ABRAXAS1: variants seen among roughly 807,000 people sequenced by gnomAD.
ABRAXAS1 encodes the protein BRCA1-A complex subunit Abraxas 1.
A neutral mutation model predicts 38.4 loss-of-function variants in ABRAXAS1; 26 were observed. The observed-to-expected ratio is 0.68, with a 90% CI of 0.50 to 0.94. The LOEUF (loss-of-function observed/expected upper bound fraction) is 0.94. ABRAXAS1 is among the 40% of genes least tolerant of loss of function. ABRAXAS1 has a pLI of 0.00. For missense variants in ABRAXAS1, 438 were observed against 481.9 expected, an observed-to-expected ratio of 0.91 and a Z score of 0.85; for synonymous variants, 144 against 165.5, an observed-to-expected ratio of 0.87 and a Z score of 1.00.
At chr4:83,468,530 T>C (rs1310759705) in intron 6 of ABRAXAS1, among the ~76,000 whole-genome samples, 1 of 152,186 alleles carries the variant, frequency 6.6e-6, no homozygotes, top group Non-Finnish European at 1.5e-5. Context: ...ATAAGCAGCC[T>C]ATAGTATGAG....
At chr4:83,477,580 A>T (rs1217721272) in intron 2 of ABRAXAS1, 8 of 488,674 alleles carry the variant, frequency 1.6e-5, no homozygotes, top group Non-Finnish European at 3.2e-5. Context: ...AACCCTTTGT[A>T]TATGACGCCT....
intron 8 of ABRAXAS1, among the ~76,000 whole-genome samples, chr4:83,463,286 A>G (rs1722214210): frequency 6.6e-6 from 1 of 152,048 alleles, no homozygotes; most frequent in Non-Finnish European, 1.5e-5. Flanking sequence ...AAAAAAAATT[A>G]GCCAGGCATG....
chr4:83,472,403 G>T, intron 3 of ABRAXAS1, 115 bp from the exon 4 acceptor site: 1 of 492,584 alleles, frequency 2.0e-6, no homozygotes, highest in Non-Finnish European at 3.5e-6. Flanking sequence ...ATACCTATTT[G>T]CCTGTCAGAT....
At chr4:83,463,865 C>A in intron 7 of ABRAXAS1, 1 of 242,054 alleles carries the variant, frequency 4.1e-6, no homozygotes, top group East Asian at 7.6e-5. Flanking sequence ...AGTTAGTTCG[C>A]TGAAAATATA....
At chr4:83,463,797 T>C (rs1722242422) in intron 7 of ABRAXAS1, 189 bp from the exon 8 acceptor site, 3 of 371,414 alleles carry the variant, frequency 8.1e-6, no homozygotes, top group Non-Finnish European at 9.5e-6. Context: ...ATAAGCCTTA[T>C]AGGTTGTAAA....
intron 4 of ABRAXAS1, among the ~76,000 whole-genome samples, chr4:83,471,832 T>G (rs549674178): frequency 2.0e-5 from 3 of 152,060 alleles, no homozygotes; most frequent in Non-Finnish European, 2.9e-5. Context: ...ATCACACCAC[T>G]GCACTCCAGC....
chr4:83,462,547 T>G lies in ABRAXAS1; in HGVS notation c.1152A>C (p.Lys384Asn), dbSNP rs763567031. ...TGSSNQDKAS[K>N]MSSPETDEEI... Reference sequence around the variant, plus strand: ...CTTCATCTGTTTCTGGGCTGCTCATTTTGGATGCTTTATCTTGGTTACTAC... The same window carrying G: ...CTTCATCTGTTTCTGGGCTGCTCATGTTGGATGCTTTATCTTGGTTACTAC... Residue 384 changes from lysine to asparagine, a missense_variant, in exon 9 of 9, where the codon AAA becomes AAC. Lys to Asn is a moderately conservative substitution (Grantham distance 94). This residue lies in a region of ABRAXAS1 where 184 missense variants were observed against 181.9 expected (regional missense o/e 1.01). Coordinates refer to ENST00000321945, the MANE Select transcript of ABRAXAS1 (RefSeq NM_139076.3). The G allele has an allele frequency of 5.0e-6, 8 of 1,614,074 alleles. No individual in the cohort carries two copies. Among genetic ancestry groups the G allele is most frequent in the Non-Finnish European group, 6.8e-6 (8 of 1,180,036 alleles).
At chr4:83,473,855 G>A (rs896474775) in intron 3 of ABRAXAS1, among the ~76,000 whole-genome samples, 3 of 151,538 alleles carry the variant, frequency 2.0e-5, no homozygotes, top group Non-Finnish European at 4.4e-5. Context: ...TTCAGAAGCC[G>A]GGCACAGTGG....
In ABRAXAS1 at chr4:83,473,947, C is replaced by A. The variant is rs1048892196; in HGVS notation, c.216-1659G>T. Among the ~76,000 whole-genome samples, 9 of 151,450 alleles carry A rather than the reference C, an allele frequency of 5.9e-5. No homozygotes were observed. In the South Asian group the frequency reaches 1.7e-3, roughly 28 times the overall value. On this transcript the variant is annotated intron_variant, in intron 3 of 8. Transcript: ENST00000321945. ...AGGAGATTGAAACCAGCCTGGCCAA[C>A]GTGGCAAAACCCCATCTCTACTAAA...
Position 83,462,317 on chromosome 4 carries a change from G to T in ABRAXAS1, c.*152C>A. ...TGAAAAAGTACTTTGTGAAGTAAAT[G>T]CACTAAGAGTTATCTGTGTATTACT... On this transcript the variant is annotated 3_prime_UTR_variant, in exon 9 of 9. Transcript: ENST00000321945. 1.5e-6 allele frequency: 1 copy of T among 646,284 alleles called. No homozygotes were observed. Among genetic ancestry groups the T allele is most frequent in the Non-Finnish European group, 2.6e-6 (1 of 380,052 alleles). The allele number at this position is 646,284 out of a possible 1,614,324, so 40.0% of individuals were successfully genotyped here.
intron 1 of ABRAXAS1, 113 bp downstream of exon 1, chr4:83,484,873 G>A: frequency 1.2e-6 from 1 of 837,834 alleles, no homozygotes; most frequent in Non-Finnish European, 1.8e-6. Context: ...CCGCAGGGAG[G>A]AGGCGCGGCG....
In ABRAXAS1 at chr4:83,462,846, G is replaced by A. The variant is rs150371881; in HGVS notation, c.853C>T (p.Arg285Trp). Residue 285 changes from arginine to tryptophan, a missense_variant, in exon 9 of 9, where the codon CGG (arginine) becomes TGG (tryptophan). Arg to Trp is a moderately radical substitution (Grantham distance 101). Coordinates refer to ENST00000321945, the MANE Select transcript of ABRAXAS1 (RefSeq NM_139076.3). ...QENIFLCQALRTFFPNSEFLH... is the reference protein window; with the variant it reads ...QENIFLCQALWTFFPNSEFLH... ...AATTCAGAATTTGGAAAAAAGGTCC[G>A]TAATGCCTGACAAAGAAAAATGTTC... 8.0e-5 allele frequency: 129 copies of A among 1,607,414 alleles called. No individual in the cohort carries two copies. Among genetic ancestry groups the A allele is most frequent in the Middle Eastern group, 6.6e-4 (4 of 6,022 alleles).
At chr4:83,484,504 G>A (rs1482753207) in intron 1 of ABRAXAS1, among the ~76,000 whole-genome samples, 1 of 152,218 alleles carries the variant, frequency 6.6e-6, no homozygotes, top group Non-Finnish European at 1.5e-5. Context: ...ATTTGCCACT[G>A]GACGCAACAT....
intron 3 of ABRAXAS1, among the ~76,000 whole-genome samples, chr4:83,473,046 AG>A (rs1030024482): frequency 2.6e-5 from 4 of 152,210 alleles, no homozygotes; most frequent in Middle Eastern, 3.4e-3. Context: ...TGGGAGGCTG[AG>A]GGGGGTGGAT....
In ABRAXAS1 at chr4:83,461,233, A is replaced by G; in HGVS notation, c.*1236T>C. The stretch of plus-strand genomic sequence containing the variant: ...GTTACCACTAATAAACTTATTTTAC[A>G]GTAAGTGGTTGTATGATGCCAATAC... On this transcript the variant is annotated 3_prime_UTR_variant, in exon 9 of 9. Coordinates refer to ENST00000321945, the MANE Select transcript of ABRAXAS1 (RefSeq NM_139076.3). 1.9e-6 allele frequency: 3 copies of G among 1,584,358 alleles called. No individual in the cohort carries two copies. The highest frequency in any genetic ancestry group is 2.6e-6 in the Non-Finnish European group (3 of 1,155,320).
intron 6 of ABRAXAS1, among the ~76,000 whole-genome samples, chr4:83,468,602 T>G (rs952533811): frequency 6.6e-6 from 1 of 152,188 alleles, no homozygotes; most frequent in African/African-American, 2.4e-5. Context: ...ATCCGAACCA[T>G]TGCCTTAGAA....
At position 83,463,419 on chromosome 4, in the gene ABRAXAS1, C is replaced by T. The variant is rs1045896572; in HGVS notation, c.796+75G>A. 17 of 1,075,602 alleles carry T rather than the reference C, an allele frequency of 1.6e-5. No homozygotes were observed. The East Asian group carries it at 2.6e-4, about 17-fold the overall frequency. The allele number at this position is 1,075,602 out of a possible 1,614,324, so 66.6% of individuals were successfully genotyped here. A position where few individuals can be genotyped will look rare whatever the true frequency, so the allele number is the denominator to read the frequency against. On this transcript the variant is annotated intron_variant, in intron 8 of 8. Transcript: ENST00000321945. ...TTGCACTCCAACCTAGGCGACAGAG[C>T]GAGACTCCGTCTCAAAAATAAATAA... is the stretch of plus-strand genomic sequence containing the variant.
chr4:83,475,563 C>G (rs530791292), intron 3 of ABRAXAS1, among the ~76,000 whole-genome samples: 2 of 152,166 alleles, frequency 1.3e-5, no homozygotes, highest in Non-Finnish European at 2.9e-5. Context: ...CCTGCCTCAG[C>G]CTCCCCAGTA....
In ABRAXAS1 at chr4:83,462,992, AG is replaced by A. The variant is rs1398182135; in HGVS notation, c.797-91del. On this transcript the variant is annotated intron_variant, in intron 8 of 8. Transcript: ENST00000321945. ...ATTTGTAAGTAAAATTAAGTCAAAA[AG>A]ATTTTAACAGTTGTATTATCTAAAG... 3 of 848,292 alleles carry A rather than the reference AG, an allele frequency of 3.5e-6. No individual in the cohort carries two copies. In the African/African-American group the frequency reaches 5.2e-5, roughly 15 times the overall value. The allele number at this position is 848,292 out of a possible 1,614,324, so 52.5% of individuals were successfully genotyped here.
Sources: gnomAD v4.1 joint callset for allele counts (sites outside exome capture counted in the v4.1 genomes callset) on GRCh38, gnomAD v4.1.1 for gene constraint, gnomAD v4.1.1 regional missense constraint, MANE v1.5 for transcripts, NCBI Gene and HGNC (gene_info 2026-07-23, HGNC 2026-07-21) for gene names.